The following SNX18 variants were observed in gnomAD, a reference collection of about 807,000 sequenced individuals.
SNX18 encodes the protein sorting nexin-18.
Under a neutral mutation model 48.7 loss-of-function variants are expected in SNX18, and 35 were observed. The observed-to-expected ratio is 0.72, with a 90% confidence interval of 0.55 to 0.95. The LOEUF is 0.95. SNX18 is among the 40% of genes least tolerant of loss of function. The pLI is 0.00. For synonymous variants in SNX18, 492 were observed against 384.7 expected (o/e 1.28, Z -3.26); for missense variants, 824 against 871.0 (o/e 0.95, Z 0.68).
chr5:54,641,754 G>T, the SNX18 span, among the ~76,000 whole-genome samples: 22 of 152,290 alleles, frequency 1.4e-4, no homozygotes, highest in Non-Finnish European at 2.6e-4. Context: ...TTTTCCTGCA[G>T]GCTCCTTAGC....
chr5:54,525,086 A>C (rs1416759563), intron 1 of SNX18, among the ~76,000 whole-genome samples: 1 of 152,260 alleles, frequency 6.6e-6, no homozygotes, highest in Non-Finnish European at 1.5e-5. Flanking sequence ...GTGTGTGGGC[A>C]TGGAGGAGTT....
At chr5:54,643,792 G>A in the SNX18 span, 1 of 152,188 alleles carries the variant, frequency 6.6e-6, no homozygotes, top group Non-Finnish European at 1.5e-5. Flanking sequence ...CTCTGTCATT[G>A]CCTGTGAGCC....
chr5:54,552,740 C>T, the SNX18 span, among the ~76,000 whole-genome samples: 1 of 151,596 alleles, frequency 6.6e-6, no homozygotes, highest in South Asian at 2.1e-4. Context: ...TAGCAGTGAA[C>T]AAAGCCAACA....
chr5:54,562,984 A>G, the SNX18 span, among the ~76,000 whole-genome samples: 2 of 152,228 alleles, frequency 1.3e-5, no homozygotes, highest in Non-Finnish European at 2.9e-5. Context: ...AACAGTTTAA[A>G]AAGTAAATAC....
chr5:54,540,953 A>C (rs1762457138), intron 1 of SNX18, among the ~76,000 whole-genome samples: 1 of 152,130 alleles, frequency 6.6e-6, no homozygotes, highest in South Asian at 2.1e-4. Context: ...TTTTATCGCT[A>C]CACATTCTCA....
rs761300441 is a variant in SNX18 at position 54,518,607 on chromosome 5, C to T, written c.655C>T (p.Pro219Ser). The change falls in exon 1 of 2, where the codon CCC (proline) becomes TCC (serine). Residue 219 changes from proline to serine, a missense_variant. Physicochemically the swap from Pro to Ser is moderately conservative, Grantham distance 74 (BLOSUM62 -1). This residue lies in a region of SNX18 where 377 missense variants were observed against 350.6 expected (regional missense o/e 1.08). Transcript: ENST00000381410. ...CCCCCCGCAGCACCACCCGTCGGGG[C>T]CCAAGAGCTCGGCCACCGTGAGCCG... is the stretch of plus-strand genomic sequence containing the variant. Reference protein sequence around the residue: ...SVPPQHHPSGPKSSATVSRNL... With the variant: ...SVPPQHHPSGSKSSATVSRNL... 1.3e-6 allele frequency: 2 copies of T among 1,572,816 alleles called. No individual in the cohort carries two copies. Among genetic ancestry groups the T allele is most frequent in the Non-Finnish European group, 1.7e-6 (2 of 1,160,058 alleles).
At chr5:54,587,150 G>A in the SNX18 span, among the ~76,000 whole-genome samples, 1 of 152,046 alleles carries the variant, frequency 6.6e-6, no homozygotes. Context: ...TAATCTCATG[G>A]CAAATTATTT....
At chr5:54,595,079 G>A in the SNX18 span, among the ~76,000 whole-genome samples, 2 of 152,116 alleles carry the variant, frequency 1.3e-5, no homozygotes, top group African/African-American at 2.4e-5. Context: ...CTGTTGATGG[G>A]CACCTAGGTT....
Position 54,530,744 on chromosome 5 carries a change from A to ATTTTTTTTTTTTTT in SNX18, c.1621+11184_1621+11197dup, listed in dbSNP as rs70986692. 4.7e-3 allele frequency among the ~76,000 whole-genome samples: 338 copies of ATTTTTTTTTTTTTT among 72,496 alleles called. 40 individuals carry two copies. Among genetic ancestry groups the ATTTTTTTTTTTTTT allele is most frequent in the East Asian group, 0.016 (30 of 1,928 alleles). 47.6% of individuals were successfully genotyped at this position (72,496 alleles called of 152,430 possible). A position where few individuals can be genotyped will look rare whatever the true frequency, so the allele number is the denominator to read the frequency against. ...TGCAGACAGGAGCTGAACCACAGAA[A>ATTTTTTTTTTTTTT]TTTTTTTTTTTTTTTTTTTTTTTTT... On this transcript the variant is annotated intron_variant, in intron 1 of 1. Coordinates refer to ENST00000381410, the MANE Select transcript of SNX18 (RefSeq NM_001102575.2).
At chr5:54,534,911 G>A (rs757547321) in intron 1 of SNX18, among the ~76,000 whole-genome samples, 2 of 152,096 alleles carry the variant, frequency 1.3e-5, no homozygotes. Context: ...AAAAAAATTG[G>A]CATTGAAATC....
At chr5:54,551,048 A>T (rs1762648986), downstream of SNX18, among the ~76,000 whole-genome samples, 1 of 152,060 alleles carries the variant, frequency 6.6e-6, no homozygotes, top group Admixed American at 6.6e-5. Flanking sequence ...AAAAATAACG[A>T]AATGAATGTT....
chr5:54,646,966 C>T, the SNX18 span, among the ~76,000 whole-genome samples: 27 of 152,210 alleles, frequency 1.8e-4, no homozygotes, highest in Admixed American at 3.9e-4. Context: ...TATAAATGGC[C>T]TGTGCCTCTT....
the SNX18 span, among the ~76,000 whole-genome samples, chr5:54,608,335 G>A: frequency 2.0e-4 from 30 of 151,956 alleles, no homozygotes; most frequent in Admixed American, 7.2e-4. Flanking sequence ...GTCTCTTCAT[G>A]TCTTTTGCCC....
At chr5:54,553,066 G>T in the SNX18 span, among the ~76,000 whole-genome samples, 2 of 151,714 alleles carry the variant, frequency 1.3e-5, no homozygotes, top group African/African-American at 2.4e-5. Context: ...AGAAGGGTGG[G>T]AGGGGATGGG....
the SNX18 span, among the ~76,000 whole-genome samples, chr5:54,590,182 G>A: frequency 5.9e-5 from 9 of 152,198 alleles, no homozygotes; most frequent in African/African-American, 2.2e-4. Context: ...ATATGTTTCA[G>A]TAGTTAGAAA....
At chr5:54,613,991 C>A in the SNX18 span, among the ~76,000 whole-genome samples, 1 of 152,196 alleles carries the variant, frequency 6.6e-6, no homozygotes, top group Non-Finnish European at 1.5e-5. Context: ...CCACTGCACT[C>A]TTTTAAGAAC....
chr5:54,607,976 A>G, the SNX18 span, among the ~76,000 whole-genome samples: 2 of 152,098 alleles, frequency 1.3e-5, no homozygotes, highest in African/African-American at 4.8e-5. Flanking sequence ...GCTGCTGTAA[A>G]CTTCATGTGC....
chr5:54,647,806 C>A, the SNX18 span, among the ~76,000 whole-genome samples: 1 of 151,964 alleles, frequency 6.6e-6, no homozygotes, highest in Non-Finnish European at 1.5e-5. Context: ...CTTCAACGGG[C>A]AACAGGGATG....
At chr5:54,602,049 A>G in the SNX18 span, among the ~76,000 whole-genome samples, 4 of 152,066 alleles carry the variant, frequency 2.6e-5, no homozygotes, top group East Asian at 1.9e-4. Flanking sequence ...CCCTCCTTAC[A>G]CCCAATAGTC....
Sources: allele counts gnomAD v4.1 joint callset (sites outside exome capture counted in the v4.1 genomes callset), GRCh38; gene constraint gnomAD v4.1.1; regional missense constraint gnomAD v4.1.1; transcripts MANE v1.5; gene names NCBI Gene and HGNC (gene_info 2026-07-23, HGNC 2026-07-21).